Variants in CARMIL1 observed in about 807,000 individuals in gnomAD.
CARMIL1 encodes the protein F-actin-uncapping protein LRRC16A.
A neutral mutation model predicts 177.1 loss-of-function variants in CARMIL1; 90 were observed. That is an observed-to-expected ratio of 0.51 (90% CI 0.43 to 0.61). The LOEUF (loss-of-function observed/expected upper bound fraction) is 0.61, where lower values mean the gene tolerates loss of function less well. CARMIL1 is among the 20% of genes least tolerant of loss of function. The probability of loss-of-function intolerance (pLI) is 0.00; values close to 1 mark genes in which losing one functional copy is unlikely to be tolerated. For missense variants in CARMIL1, 1,380 were observed against 1,667.0 expected (o/e 0.83, Z 3.00); for synonymous variants, 577 against 606.2 (o/e 0.95, Z 0.71).
chr6:25,409,195 C>G (rs192833723), intron 2 of CARMIL1, among the ~76,000 whole-genome samples: 2 of 152,178 alleles, frequency 1.3e-5, no homozygotes. Context: ...AAGCCACATG[C>G]TGAAGATGAT....
At chr6:25,438,923 G>T (rs375414836) in intron 5 of CARMIL1, among the ~76,000 whole-genome samples, 1 of 151,492 alleles carries the variant, frequency 6.6e-6, no homozygotes, top group African/African-American at 2.4e-5. Context: ...AAGCTAATTT[G>T]GACACTTGTA....
intron 2 of CARMIL1, among the ~76,000 whole-genome samples, chr6:25,317,100 G>A (rs1373871602): frequency 1.3e-5 from 2 of 152,152 alleles, no homozygotes; most frequent in African/African-American, 4.8e-5. Context: ...TTCCATGGGA[G>A]AAGTTTCTCT....
chr6:25,469,060 G>T (rs1216311833), intron 9 of CARMIL1, among the ~76,000 whole-genome samples: 1 of 152,152 alleles, frequency 6.6e-6, no homozygotes. Context: ...ACTGATAAGG[G>T]TGTCACCATT....
intron 2 of CARMIL1, among the ~76,000 whole-genome samples, chr6:25,368,241 A>C (rs1213482575): frequency 1.3e-5 from 2 of 152,230 alleles, no homozygotes; most frequent in Non-Finnish European, 2.9e-5. Flanking sequence ...TAACTAATAG[A>C]GGTCAGACAC....
At chr6:25,422,503 T>A (rs1307293233) in intron 3 of CARMIL1, among the ~76,000 whole-genome samples, 1 of 152,182 alleles carries the variant, frequency 6.6e-6, no homozygotes, top group African/African-American at 2.4e-5. Flanking sequence ...TGTTAACTTT[T>A]ATAAAGTTTC....
rs184662678 is a variant in CARMIL1 at position 25,594,412 on chromosome 6, C to G, written c.3007-3C>G. 1.3e-6 allele frequency: 2 copies of G among 1,577,220 alleles called. No homozygotes were observed. Among genetic ancestry groups the G allele is most frequent in the Non-Finnish European group, 8.7e-7 (1 of 1,153,086 alleles). ...ATTAACATTACATCTGTTTGTTTTG[C>G]AGGTCTGTGCTGCCAACATAGTCTC... On this transcript the variant is annotated splice_polypyrimidine_tract_variant and splice_region_variant and intron_variant, in intron 31 of 36. Coordinates refer to ENST00000329474, the MANE Select transcript of CARMIL1 (RefSeq NM_017640.6).
chr6:25,514,788 G>C (rs1805806449), intron 20 of CARMIL1, among the ~76,000 whole-genome samples: 2 of 152,080 alleles, frequency 1.3e-5, no homozygotes. Flanking sequence ...GCCGAATGTG[G>C]TGGTACGCAC....
In CARMIL1 at chr6:25,519,393, G is replaced by A. The variant is rs368774825; in HGVS notation, c.1875-851G>A. On this transcript the variant is annotated intron_variant, in intron 22 of 36. Coordinates refer to ENST00000329474, the MANE Select transcript of CARMIL1 (RefSeq NM_017640.6). ...TAATACTGGCATTTGTGGTAGGTGAGCAGGTGTTAATGGTCATCTGAGCAC... is the reference window on the plus strand; with the variant it reads ...TAATACTGGCATTTGTGGTAGGTGAACAGGTGTTAATGGTCATCTGAGCAC... 3.9e-5 allele frequency among the ~76,000 whole-genome samples: 6 copies of A among 152,334 alleles called. No homozygotes were observed. The South Asian group carries it at 6.2e-4, about 16-fold the overall frequency.
chr6:25,560,697 G>T (rs554239810), intron 29 of CARMIL1, among the ~76,000 whole-genome samples: 1 of 152,152 alleles, frequency 6.6e-6, no homozygotes, highest in Non-Finnish European at 1.5e-5. Context: ...CTGCTATAAT[G>T]AGTATATGGA....
rs779911417 is a variant in CARMIL1 at position 25,491,742 on chromosome 6, A to C, written c.1076A>C (p.Asn359Thr). The C allele has an allele frequency of 7.5e-6, 12 of 1,591,912 alleles. No individual in the cohort carries two copies. Among genetic ancestry groups the C allele is most frequent in the Non-Finnish European group, 9.4e-6 (11 of 1,167,532 alleles). Residue 359 changes from asparagine (N) to threonine (T), a missense_variant, in exon 14 of 37, where the codon AAT (asparagine) becomes ACT (threonine). Coordinates refer to ENST00000329474, the MANE Select transcript of CARMIL1 (RefSeq NM_017640.6). Reference sequence around the variant, plus strand: ...TTATTTTTTTTCAAGCACATGTATAATTTTTTGGCCCAGCCAAATGCCATT... The same window carrying C: ...TTATTTTTTTTCAAGCACATGTATACTTTTTTGGCCCAGCCAAATGCCATT... ...LRGDDLSHMYNFLAQPNAIVH... is the reference protein window; with the variant it reads ...LRGDDLSHMYTFLAQPNAIVH...
chr6:25,497,836 T>C (rs1456361760), intron 16 of CARMIL1, among the ~76,000 whole-genome samples: 2 of 152,200 alleles, frequency 1.3e-5, no homozygotes, highest in Non-Finnish European at 2.9e-5. Context: ...TAGAGTGTTA[T>C]GCTGGAGGTG....
At chr6:25,302,231 G>A (rs1051678020) in intron 2 of CARMIL1, among the ~76,000 whole-genome samples, 3 of 152,178 alleles carry the variant, frequency 2.0e-5, no homozygotes, top group African/African-American at 7.2e-5. Flanking sequence ...AAGTATACAA[G>A]TACCTCCATG....
intron 2 of CARMIL1, among the ~76,000 whole-genome samples, chr6:25,308,833 G>A (rs1201609664): frequency 6.6e-6 from 1 of 152,168 alleles, no homozygotes; most frequent in African/African-American, 2.4e-5. Context: ...TTCTTTGAAT[G>A]GTTAACATGG....
intron 9 of CARMIL1, among the ~76,000 whole-genome samples, chr6:25,467,412 C>G (rs956081368): frequency 6.6e-6 from 1 of 152,144 alleles, no homozygotes; most frequent in Admixed American, 6.5e-5. Context: ...GGTTTGCTAC[C>G]ATGTCAGTTT....
chr6:25,470,101 T>A (rs1042161106), intron 9 of CARMIL1, among the ~76,000 whole-genome samples: 28 of 152,098 alleles, frequency 1.8e-4, no homozygotes, highest in South Asian at 6.2e-4. Context: ...TTTTTTGACA[T>A]TTTTTATTAC....
intron 4 of CARMIL1, chr6:25,433,370 T>C (rs1313794325): frequency 6.6e-6 from 1 of 152,208 alleles, no homozygotes; most frequent in Non-Finnish European, 1.5e-5. Flanking sequence ...AAAATATAAT[T>C]ACCCATGGTG....
chr6:25,335,062 A>G (rs1786073623), intron 2 of CARMIL1, among the ~76,000 whole-genome samples: 1 of 152,198 alleles, frequency 6.6e-6, no homozygotes, highest in South Asian at 2.1e-4. Flanking sequence ...GCTAGTCTGG[A>G]GGAAAAACTC....
chr6:25,336,615 C>T (rs572106815), intron 2 of CARMIL1, among the ~76,000 whole-genome samples: 1 of 152,228 alleles, frequency 6.6e-6, no homozygotes, highest in African/African-American at 2.4e-5. Flanking sequence ...AGTGCACATA[C>T]GAACATCCTG....
chr6:25,351,256 A>G (rs1230973073), intron 2 of CARMIL1, among the ~76,000 whole-genome samples: 1 of 151,636 alleles, frequency 6.6e-6, no homozygotes, highest in African/African-American at 2.4e-5. Flanking sequence ...ATAATTTTTT[A>G]TATTGATTAC....
Sources: allele counts gnomAD v4.1 joint callset (sites outside exome capture counted in the v4.1 genomes callset), GRCh38; gene constraint gnomAD v4.1.1; transcripts MANE v1.5; gene names NCBI Gene and HGNC (gene_info 2026-07-23, HGNC 2026-07-21).